GHR: variants seen among roughly 807,000 people sequenced by gnomAD.
The protein encoded by GHR is growth hormone receptor.
GHR carries 35 observed loss-of-function variants against 67.1 expected under a neutral mutation model. The ratio of observed to expected loss-of-function variants is 0.52; its 90% CI spans 0.40 to 0.69. The LOEUF is 0.69. Among genes scored for constraint, GHR ranks in the 30% least tolerant of loss-of-function variants. GHR has a pLI of 0.00. For synonymous variants in GHR, 272 were observed against 269.1 expected, an observed-to-expected ratio of 1.01 and a Z score of -0.10; for missense variants, 792 against 764.6, an observed-to-expected ratio of 1.04 and a Z score of -0.42.
chr5:42,590,967 A>G (rs746279713), intron 2 of GHR, among the ~76,000 whole-genome samples: 1 of 152,262 alleles, frequency 6.6e-6, no homozygotes, highest in South Asian at 2.1e-4. Flanking sequence ...AAATATGAAC[A>G]GGAGAGAACT....
chr5:42,650,599 A>ATATATATATATATATATATATATG (rs1351157808), intron 3 of GHR, among the ~76,000 whole-genome samples: 1 of 146,376 alleles, frequency 6.8e-6, no homozygotes, highest in African/African-American at 2.5e-5. Context: ...ATATATATAT[A>ATATATATATATATATATATATATG]TATGTATGTC....
intron 1 of GHR, among the ~76,000 whole-genome samples, chr5:42,486,338 CTT>C (rs1282952986): frequency 6.6e-6 from 1 of 152,208 alleles, no homozygotes; most frequent in African/African-American, 2.4e-5. Context: ...ACTTGGCTCT[CTT>C]TGAATCTTTT....
intron 2 of GHR, among the ~76,000 whole-genome samples, chr5:42,625,675 T>G (rs556230176): frequency 6.6e-6 from 1 of 152,210 alleles, no homozygotes; most frequent in Admixed American, 6.5e-5. Context: ...ATAGGTAAAT[T>G]TAAACATTTT....
At chr5:42,571,873 T>C (rs989239706) in intron 2 of GHR, among the ~76,000 whole-genome samples, 2 of 152,116 alleles carry the variant, frequency 1.3e-5, no homozygotes, top group African/African-American at 4.8e-5. Flanking sequence ...ACGTATTTGG[T>C]GTTTGGTGAT....
At chr5:42,542,360 C>T (rs952232613) in intron 1 of GHR, among the ~76,000 whole-genome samples, 21 of 152,212 alleles carry the variant, frequency 1.4e-4, no homozygotes, top group African/African-American at 4.6e-4. Context: ...AGAGCAAAAG[C>T]TATTCCATTG....
intron 2 of GHR, among the ~76,000 whole-genome samples, chr5:42,628,100 CCTCT>C (rs924452182): frequency 6.6e-6 from 1 of 151,562 alleles, no homozygotes; most frequent in African/African-American, 2.4e-5. Context: ...GTTCCTCTTC[CCTCT>C]CTCTCTCTGC....
intron 2 of GHR, among the ~76,000 whole-genome samples, chr5:42,591,340 C>G (rs1179800505): frequency 2.0e-5 from 3 of 152,218 alleles, no homozygotes; most frequent in African/African-American, 7.2e-5. Context: ...ACAACTGGCT[C>G]TCGTGGATCT....
chr5:42,656,051 G>A (rs988978200), intron 3 of GHR, among the ~76,000 whole-genome samples: 5 of 152,032 alleles, frequency 3.3e-5, no homozygotes, highest in Non-Finnish European at 7.4e-5. Flanking sequence ...TTTTAAATCA[G>A]TATAATCTAT....
rs375550231 is a variant in GHR at position 42,465,530 on chromosome 5, C to T, written c.-12+41575C>T. On this transcript the variant is annotated intron_variant, in intron 1 of 9. Transcript: ENST00000230882. The stretch of plus-strand genomic sequence containing the variant: ...GTCTGCCACTGGATGATGTTCTTCA[C>T]CTTCAGGTGTTTCCTCAGTCACATT... 199 of 1,522,894 alleles carry T rather than the reference C, an allele frequency of 1.3e-4. 1 individual carries two copies. The South Asian group carries it at 1.6e-3, about 13-fold the overall frequency. The allele number at this position is 1,522,894 out of a possible 1,614,324, so 94.3% of individuals were successfully genotyped here.
intron 1 of GHR, among the ~76,000 whole-genome samples, chr5:42,557,954 T>G (rs1340356772): frequency 4.6e-5 from 7 of 152,216 alleles, no homozygotes; most frequent in Admixed American, 4.6e-4. Context: ...TGTGCTGGGT[T>G]CAGCTTCTGG....
chr5:42,466,997 G>T, intron 1 of GHR: 1 of 1,570,292 alleles, frequency 6.4e-7, no homozygotes, highest in South Asian at 1.1e-5. Context: ...GTTCTCTGGT[G>T]CACCGTGAGG....
intron 1 of GHR, among the ~76,000 whole-genome samples, chr5:42,498,140 A>G (rs911642843): frequency 3.3e-5 from 5 of 152,166 alleles, no homozygotes; most frequent in African/African-American, 9.7e-5. Context: ...GCATGGCCCA[A>G]CTGTGCTACT....
chr5:42,715,399 A>C (rs951712008), intron 8 of GHR, among the ~76,000 whole-genome samples: 1 of 152,178 alleles, frequency 6.6e-6, no homozygotes, highest in South Asian at 2.1e-4. Flanking sequence ...CAGGTCCTAC[A>C]TGCCTTTGAA....
intron 3 of GHR, among the ~76,000 whole-genome samples, chr5:42,643,719 C>T (rs2112797772): frequency 7.1e-6 from 1 of 139,920 alleles, no homozygotes; most frequent in Admixed American, 7.0e-5. Context: ...ATACATTATG[C>T]CTTTTTTTTT....
chr5:42,594,202 A>T (rs1751944578), intron 2 of GHR, among the ~76,000 whole-genome samples: 1 of 152,198 alleles, frequency 6.6e-6, no homozygotes, highest in South Asian at 2.1e-4. Context: ...AACTTTTCAA[A>T]TGTGACCCCT....
intron 2 of GHR, among the ~76,000 whole-genome samples, chr5:42,617,162 G>T (rs1465495715): frequency 6.6e-6 from 1 of 151,608 alleles, no homozygotes; most frequent in Non-Finnish European, 1.5e-5. Flanking sequence ...TGTCTGTTGG[G>T]ATTATTGTTT....
At chr5:42,550,194 GC>G (rs892002717) in intron 1 of GHR, 11 of 456,174 alleles carry the variant, frequency 2.4e-5, no homozygotes, top group Non-Finnish European at 2.9e-5. Context: ...TACTGAAAAA[GC>G]CCATTGGACT....
chr5:42,684,210 T>C (rs972454182), intron 3 of GHR, among the ~76,000 whole-genome samples: 2 of 152,224 alleles, frequency 1.3e-5, no homozygotes, highest in Admixed American at 1.3e-4. Context: ...GCTGTAAAAT[T>C]GTAAAGTACT....
intron 3 of GHR, among the ~76,000 whole-genome samples, chr5:42,668,709 G>T (rs936831195): frequency 1.3e-5 from 2 of 152,100 alleles, no homozygotes; most frequent in African/African-American, 4.8e-5. Context: ...CCATGTGCTT[G>T]TAGACCATAT....
Sources: allele counts gnomAD v4.1 joint callset (sites outside exome capture counted in the v4.1 genomes callset), GRCh38; gene constraint gnomAD v4.1.1; transcripts MANE v1.5; gene names NCBI Gene and HGNC (gene_info 2026-07-23, HGNC 2026-07-21).